Variants in DYNC2H1 observed in about 807,000 individuals in gnomAD.
The protein encoded by DYNC2H1 is dynein cytoplasmic 2 heavy chain 1.
A neutral mutation model predicts 570.0 loss-of-function variants in DYNC2H1; 410 were observed. The observed-to-expected ratio is 0.72, with a 90% CI of 0.66 to 0.78. The LOEUF (loss-of-function observed/expected upper bound fraction) is 0.78, where lower values mean the gene tolerates loss of function less well. DYNC2H1 is among the 30% of genes least tolerant of loss of function. DYNC2H1 has a pLI of 0.00. For synonymous variants in DYNC2H1, 1,688 were observed against 1,677.6 expected, an observed-to-expected ratio of 1.01 and a Z score of -0.15; for missense variants, 4,865 against 5,046.4, an observed-to-expected ratio of 0.96 and a Z score of 1.09.
chr11:103,438,112 A>G (rs548608325), intron 85 of DYNC2H1, among the ~76,000 whole-genome samples: 92 of 152,244 alleles, frequency 6.0e-4, no homozygotes, highest in African/African-American at 2.0e-3. Context: ...AGGACTGACC[A>G]TAGCTTACCT....
chr11:103,288,674 C>G (rs1866447630), intron 75 of DYNC2H1, among the ~76,000 whole-genome samples: 2 of 104,126 alleles, frequency 1.9e-5, no homozygotes, highest in Admixed American at 2.7e-4. Flanking sequence ...TGGTGAAACC[C>G]CGTCTCTACT....
At chr11:103,137,168 T>C (rs1481637680) in intron 17 of DYNC2H1, among the ~76,000 whole-genome samples, 6 of 147,718 alleles carry the variant, frequency 4.1e-5, no homozygotes, top group African/African-American at 7.4e-5. Flanking sequence ...TTCTCCCATT[T>C]TGTAGGTTGC....
At chr11:103,418,112 T>C (rs1943354105) in intron 84 of DYNC2H1, among the ~76,000 whole-genome samples, 1 of 152,130 alleles carries the variant, frequency 6.6e-6, no homozygotes, top group Non-Finnish European at 1.5e-5. Context: ...TTTCCTTTTA[T>C]GATCAGGAAT....
Position 103,170,201 on chromosome 11 carries a change from T to G in DYNC2H1, c.5062T>G (p.Tyr1688Asp). Residue 1688 changes from tyrosine to aspartate, a missense_variant, in exon 33 of 89, where the codon TAT becomes GAT. Tyr to Asp is a radical substitution (Grantham distance 160). Transcript: ENST00000375735. This position sits in a 1 kb window ranked among gnomAD's most constrained non-coding sequence, Gnocchi z 4.8. ...GAAGATGGGACTTGGAGGAAATCCT[T>G]ATGGACCAGCTGGAACTGGGAAAAC... is the stretch of plus-strand genomic sequence containing the variant. Reference protein sequence around the residue: ...AMKMGLGGNPYGPAGTGKTES... With the variant: ...AMKMGLGGNPDGPAGTGKTES... The G allele has an allele frequency of 6.2e-7, 1 of 1,612,988 alleles. No individual in the cohort carries two copies. The highest frequency in any genetic ancestry group is 1.3e-5 in the African/African-American group (1 of 75,022).
intron 83 of DYNC2H1, among the ~76,000 whole-genome samples, chr11:103,397,497 A>C (rs1942447644): frequency 6.6e-6 from 1 of 152,226 alleles, no homozygotes; most frequent in South Asian, 2.1e-4. Context: ...CTATTGCATA[A>C]ATATGCTCCA....
intron 1 of DYNC2H1, among the ~76,000 whole-genome samples, chr11:103,111,949 AAGGT>A (rs1206388836): frequency 2.6e-5 from 4 of 152,240 alleles, no homozygotes; most frequent in East Asian, 1.9e-4. Flanking sequence ...GGAATGGACA[AAGGT>A]AGGCTAAACG....
At chr11:103,296,435 CTG>C in intron 75 of DYNC2H1, among the ~76,000 whole-genome samples, 1 of 152,280 alleles carries the variant, frequency 6.6e-6, no homozygotes, top group Non-Finnish European at 1.5e-5. Context: ...TGAGTAATAA[CTG>C]TATAATACAC....
At chr11:103,304,299 T>C (rs1442712802) in intron 76 of DYNC2H1, among the ~76,000 whole-genome samples, 1 of 152,018 alleles carries the variant, frequency 6.6e-6, no homozygotes, top group Non-Finnish European at 1.5e-5. Context: ...ATAGTTAGAG[T>C]AGATTAGTTT....
At chr11:103,235,574 G>T in intron 61 of DYNC2H1, 98 bp from the exon 62 acceptor site, 1 of 1,174,910 alleles carries the variant, frequency 8.5e-7, no homozygotes. Context: ...TATTACCTGT[G>T]ATTTTCCCCC....
At chr11:103,134,620 A>C (rs1859445634) in intron 15 of DYNC2H1, among the ~76,000 whole-genome samples, 1 of 152,176 alleles carries the variant, frequency 6.6e-6, no homozygotes, top group African/African-American at 2.4e-5. Context: ...ATATAAAAAT[A>C]AGTTCCTGTA....
At chr11:103,182,412 C>T (rs1291508990) in intron 40 of DYNC2H1, among the ~76,000 whole-genome samples, 1 of 151,404 alleles carries the variant, frequency 6.6e-6, no homozygotes, top group Non-Finnish European at 1.5e-5. Flanking sequence ...ATAATGAAAA[C>T]GTGTTTATAT....
At chr11:103,357,410 CTTAAAG>C (rs1437758934) in intron 82 of DYNC2H1, among the ~76,000 whole-genome samples, 3 of 152,132 alleles carry the variant, frequency 2.0e-5, no homozygotes, top group African/African-American at 4.8e-5. Flanking sequence ...GAAATTACAA[CTTAAAG>C]TTAATGTAGA....
rs572087491 is a variant in DYNC2H1, at chr11:103,252,872, T to C, written c.10043-413T>C. Among the ~76,000 whole-genome samples, 1 of 152,308 alleles carries C rather than the reference T, an allele frequency of 6.6e-6. No homozygotes were observed. The highest frequency in any genetic ancestry group is 2.1e-4 in the South Asian group (1 of 4,824). ...TCTGTTTTTTTAACCATCATTCTGT[T>C]TTCAAATACTGTATCTTAAATACTA... On this transcript the variant is annotated intron_variant, in intron 65 of 88. Coordinates refer to ENST00000375735, the MANE Select transcript of DYNC2H1 (RefSeq NM_001377.3). This position sits in a 1 kb window ranked among gnomAD's most constrained non-coding sequence, Gnocchi z 4.6.
intron 65 of DYNC2H1, among the ~76,000 whole-genome samples, chr11:103,250,665 T>A (rs934589973): frequency 6.6e-6 from 1 of 152,144 alleles, no homozygotes; most frequent in Admixed American, 6.6e-5. Flanking sequence ...TTTTCTAGAT[T>A]TTTGAAATGG....
intron 85 of DYNC2H1, among the ~76,000 whole-genome samples, chr11:103,444,405 A>G (rs148913706): frequency 1.5e-3 from 225 of 152,182 alleles, no homozygotes; most frequent in African/African-American, 5.2e-3. Flanking sequence ...CAGTACTAAC[A>G]TTGTTACACT....
intron 83 of DYNC2H1, among the ~76,000 whole-genome samples, chr11:103,359,059 A>G (rs899335246): frequency 6.6e-6 from 1 of 152,172 alleles, no homozygotes; most frequent in Non-Finnish European, 1.5e-5. Flanking sequence ...TGTTTGACTC[A>G]ATTTCCAGAG....
Position 103,288,025 on chromosome 11 carries a change from A to C in DYNC2H1, c.11095+420A>C, listed in dbSNP as rs1336012704. Among the ~76,000 whole-genome samples, 4 of 152,066 alleles carry C rather than the reference A, an allele frequency of 2.6e-5. No homozygotes were observed. The East Asian group carries it at 7.8e-4, about 29-fold the overall frequency. On this transcript the variant is annotated intron_variant, in intron 75 of 88. Transcript: ENST00000375735. Reference sequence around the variant, plus strand: ...GCTGATTGGTCAGGTTGGAGATGGAATCATAGGGGTTTTCAAGCGAGGTTT... The same window carrying C: ...GCTGATTGGTCAGGTTGGAGATGGACTCATAGGGGTTTTCAAGCGAGGTTT...
At chr11:103,231,191 G>T in intron 59 of DYNC2H1, 69 bp from the exon 60 acceptor site, 1 of 857,522 alleles carries the variant, frequency 1.2e-6, no homozygotes, top group Non-Finnish European at 1.8e-6. Context: ...TACATTTTAA[G>T]GTGCTGCTGC....
At chr11:103,194,035 A>G (rs940838157) in intron 47 of DYNC2H1, among the ~76,000 whole-genome samples, 3 of 152,202 alleles carry the variant, frequency 2.0e-5, no homozygotes, top group Non-Finnish European at 2.9e-5. Flanking sequence ...TTTGCTTACA[A>G]TGATAACTAT....
Sources: gnomAD v4.1 joint callset for allele counts (sites outside exome capture counted in the v4.1 genomes callset) on GRCh38, gnomAD v4.1.1 for gene constraint, Gnocchi (gnomAD v3.1) non-coding constraint, MANE v1.5 for transcripts, NCBI Gene and HGNC (gene_info 2026-07-23, HGNC 2026-07-21) for gene names.